GNAO1: variants seen among roughly 807,000 people sequenced by gnomAD.
GNAO1 encodes the protein guanine nucleotide-binding protein G(o) subunit alpha.
For synonymous variants in GNAO1, 164 were observed against 180.7 expected, an observed-to-expected ratio of 0.91 and a Z score of 0.74; for missense variants, 166 against 478.7, an observed-to-expected ratio of 0.35 and a Z score of 6.10.
At chr16:56,206,594 G>A (rs868031373) in intron 2 of GNAO1, among the ~76,000 whole-genome samples, 15 of 152,120 alleles carry the variant, frequency 9.9e-5, no homozygotes, top group African/African-American at 2.9e-4. Flanking sequence ...ATTTTCTCTC[G>A]TAATTGCGGT....
chr16:56,288,035 C>T (rs1430684041), intron 3 of GNAO1, among the ~76,000 whole-genome samples: 1 of 152,188 alleles, frequency 6.6e-6, no homozygotes, highest in Non-Finnish European at 1.5e-5. Context: ...CATTCCTTTT[C>T]ATTAGGGCCG....
chr16:56,257,720 TTCCTTCTTACCAACATGCA>T (rs1264952444), intron 2 of GNAO1, among the ~76,000 whole-genome samples: 2 of 152,272 alleles, frequency 1.3e-5, no homozygotes, highest in Non-Finnish European at 2.9e-5. Flanking sequence ...TTTAGCACTT[TTCCTTCTTACCAACATGCA>T]GGAAACATTT....
intron 7 of GNAO1, chr16:56,352,621 C>T (rs1335548922): frequency 6.6e-6 from 1 of 152,328 alleles, no homozygotes; most frequent in Non-Finnish European, 1.5e-5. Context: ...CCAAGCTCAG[C>T]CACAGGGTGC....
At chr16:56,237,652 A>AG (rs1464955755) in intron 2 of GNAO1, among the ~76,000 whole-genome samples, 1 of 152,202 alleles carries the variant, frequency 6.6e-6, no homozygotes, top group Non-Finnish European at 1.5e-5. Context: ...TCCCTCTAAC[A>AG]ATAACAGAGA....
chr16:56,283,767 T>C (rs533709073), intron 3 of GNAO1, among the ~76,000 whole-genome samples: 1 of 152,152 alleles, frequency 6.6e-6, no homozygotes, highest in African/African-American at 2.4e-5. Context: ...AGGAAGAGGA[T>C]GTAGATGTGT....
chr16:56,218,524 A>C (rs2143355031), intron 2 of GNAO1, among the ~76,000 whole-genome samples: 1 of 152,222 alleles, frequency 6.6e-6, no homozygotes, highest in South Asian at 2.1e-4. Flanking sequence ...TCACCGTGAT[A>C]CTTGGCTCGG....
intron 3 of GNAO1, among the ~76,000 whole-genome samples, chr16:56,314,312 G>T (rs1300489838): frequency 2.0e-5 from 3 of 152,094 alleles, no homozygotes; most frequent in African/African-American, 7.2e-5. Flanking sequence ...GTTCATTTTT[G>T]GGAGAACTTC....
intron 6 of GNAO1, chr16:56,344,187 C>G: frequency 2.1e-6 from 3 of 1,420,168 alleles, no homozygotes; most frequent in Non-Finnish European, 2.7e-6. Flanking sequence ...AGACTCCACG[C>G]TCACAGCCTC....
chr16:56,346,818 C>G, intron 6 of GNAO1: 1 of 985,428 alleles, frequency 1.0e-6, no homozygotes, highest in Non-Finnish European at 1.2e-6. Flanking sequence ...TTCTTAGGAG[C>G]AGAGGCAGCC....
intron 2 of GNAO1, among the ~76,000 whole-genome samples, chr16:56,212,954 A>G (rs1217262058): frequency 2.0e-5 from 3 of 152,336 alleles, no homozygotes; most frequent in Middle Eastern, 3.4e-3. Context: ...GGCTTTTTCT[A>G]TAAAATGACA....
intron 6 of GNAO1, chr16:56,345,392 C>T: frequency 1.0e-6 from 1 of 985,734 alleles, no homozygotes; most frequent in South Asian, 4.7e-5. Context: ...GCTTAGTCCC[C>T]AGCCAGGCAG....
At chr16:56,235,349 G>T in intron 2 of GNAO1, 1 of 456,086 alleles carries the variant, frequency 2.2e-6, no homozygotes, top group Non-Finnish European at 4.4e-6. Flanking sequence ...CCCATCAACA[G>T]ATGAAGAAGT....
intron 6 of GNAO1, chr16:56,340,944 G>C (rs758105660): frequency 6.2e-7 from 1 of 1,613,744 alleles, no homozygotes; most frequent in East Asian, 2.2e-5. Flanking sequence ...TTGAAGAGAA[G>C]ATCAAGAAGT....
intron 2 of GNAO1, among the ~76,000 whole-genome samples, chr16:56,214,415 G>A (rs375284788): frequency 6.6e-6 from 1 of 152,078 alleles, no homozygotes; most frequent in Admixed American, 6.5e-5. Flanking sequence ...AGAGTCACAG[G>A]GGCAGGTTTC....
intron 2 of GNAO1, among the ~76,000 whole-genome samples, chr16:56,217,098 T>G (rs1158910973): frequency 6.6e-6 from 1 of 152,254 alleles, no homozygotes; most frequent in Non-Finnish European, 1.5e-5. Context: ...GATATAATGC[T>G]TCATGTCCTG....
intron 2 of GNAO1, among the ~76,000 whole-genome samples, chr16:56,269,789 C>G (rs1445027156): frequency 6.6e-6 from 1 of 152,192 alleles, no homozygotes; most frequent in Admixed American, 6.5e-5. Flanking sequence ...TTGTGACCCT[C>G]CAGAAGTTGG....
At chr16:56,226,042 C>A (rs1186765079) in intron 2 of GNAO1, among the ~76,000 whole-genome samples, 2 of 151,758 alleles carry the variant, frequency 1.3e-5, no homozygotes, top group African/African-American at 4.8e-5. Flanking sequence ...CCTGAGTGTG[C>A]AGGGAAGCCA....
intron 3 of GNAO1, among the ~76,000 whole-genome samples, chr16:56,297,605 TAA>T (rs1229362887): frequency 6.6e-6 from 1 of 151,626 alleles, no homozygotes; most frequent in African/African-American, 2.4e-5. Flanking sequence ...AATTTTTTGT[TAA>T]GTTTGAATTT....
At chr16:56,272,219 G>A (rs1276676438) in intron 2 of GNAO1, among the ~76,000 whole-genome samples, 1 of 152,134 alleles carries the variant, frequency 6.6e-6, no homozygotes, top group African/African-American at 2.4e-5. Context: ...TGAGGCAGGA[G>A]AATGGCATGA....
Sources: allele counts gnomAD v4.1 joint callset (sites outside exome capture counted in the v4.1 genomes callset), GRCh38; gene constraint gnomAD v4.1.1; transcripts MANE v1.5; gene names NCBI Gene and HGNC (gene_info 2026-07-23, HGNC 2026-07-21).